Variants in KLRG2 observed in about 807,000 individuals in gnomAD.
The protein encoded by KLRG2 is killer cell lectin-like receptor subfamily G member 2.
Under a neutral mutation model 35.4 loss-of-function variants are expected in KLRG2, and 39 were observed. The ratio of observed to expected loss-of-function variants is 1.10; its 90% CI spans 0.85 to 1.44. KLRG2 has a LOEUF of 1.44. Among genes scored for constraint, KLRG2 ranks in the 40% most tolerant of loss-of-function variants. The probability of loss-of-function intolerance (pLI) is 0.00; values close to 1 mark genes in which losing one functional copy is unlikely to be tolerated. For synonymous variants in KLRG2, 283 were observed against 265.8 expected (o/e 1.06, Z -0.63); for missense variants, 632 against 570.9 (o/e 1.11, Z -1.09).
chr7:139,472,661 C>G (rs1043850075), intron 3 of KLRG2, among the ~76,000 whole-genome samples: 1 of 151,728 alleles, frequency 6.6e-6, no homozygotes, highest in Admixed American at 6.6e-5. Context: ...CTGTAACAGC[C>G]TCATAGAGCT....
At chr7:139,461,166 T>C (rs1440427785) in intron 3 of KLRG2, among the ~76,000 whole-genome samples, 1 of 150,842 alleles carries the variant, frequency 6.6e-6, no homozygotes, top group Non-Finnish European at 1.5e-5. Flanking sequence ...GGAGAATTGC[T>C]TGAACTTGGG....
At chr7:139,436,200 G>T in the KLRG2 span, among the ~76,000 whole-genome samples, 6 of 152,180 alleles carry the variant, frequency 3.9e-5, no homozygotes, top group Middle Eastern at 3.4e-3. Context: ...ATTGTGCCTG[G>T]CCGGGTCTGT....
In KLRG2 at chr7:139,482,897, A is replaced by T; in HGVS notation, c.746T>A (p.Val249Glu). The T allele has an allele frequency of 6.7e-7, 1 of 1,481,820 alleles. No individual in the cohort carries two copies. The highest frequency in any genetic ancestry group is 1.5e-5 in the African/African-American group (1 of 68,532). The allele number at this position is 1,481,820 out of a possible 1,614,324, so 91.8% of individuals were successfully genotyped here. Residue 249 changes from valine (V) to glutamate (E), a missense_variant, in exon 1 of 5, where the codon GTA becomes GAA. Physicochemically the swap from Val to Glu is moderately radical, Grantham distance 121 (BLOSUM62 -2). Coordinates refer to ENST00000340940, the MANE Select transcript of KLRG2 (RefSeq NM_198508.4). ...LDGDEKLPRA[V>E]TLTGLPMYVK... is the part of the protein sequence containing the mutation. ...AGGTGAGCACTCACCCGTAAGCGTT[A>T]CGGCCCGGGGCAGCTTCTCGTCGCC...
chr7:139,480,439 C>CTTTTTTTT (rs892455272), intron 1 of KLRG2, among the ~76,000 whole-genome samples, 192 bp from the exon 2 acceptor site: 1 of 85,226 alleles, frequency 1.2e-5, no homozygotes, highest in African/African-American at 5.3e-5. Context: ...GCCAGATATT[C>CTTTTTTTT]TTTTTTTTTT....
chr7:139,430,882 G>A, the KLRG2 span, among the ~76,000 whole-genome samples: 2 of 151,968 alleles, frequency 1.3e-5, no homozygotes, highest in African/African-American at 2.4e-5. Context: ...GGTGGCAGGT[G>A]CCTATAATCC....
chr7:139,430,269 G>T, the KLRG2 span, among the ~76,000 whole-genome samples: 1 of 152,134 alleles, frequency 6.6e-6, no homozygotes, highest in East Asian at 1.9e-4. Flanking sequence ...AGGCGTGGTG[G>T]TGCATGCCTG....
rs1796986074 is a variant in KLRG2 at position 139,482,908 on chromosome 7, C to A, written c.735G>T (p.Leu245=). ...CACCCGTAAGCGTTACGGCCCGGGG[C>A]AGCTTCTCGTCGCCGTCCAACCCCG... ...PRAGLDGDEK[L]PRAVTLTGLP... Residue 245 remains leucine, a synonymous_variant, in exon 1 of 5, where the codon CTG becomes CTT. Coordinates refer to ENST00000340940, the MANE Select transcript of KLRG2 (RefSeq NM_198508.4). 1.3e-6 allele frequency: 2 copies of A among 1,491,984 alleles called. No homozygotes were observed. Among genetic ancestry groups the A allele is most frequent in the Non-Finnish European group, 8.8e-7 (1 of 1,131,894 alleles). The allele number at this position is 1,491,984 out of a possible 1,614,324, so 92.4% of individuals were successfully genotyped here.
intron 3 of KLRG2, among the ~76,000 whole-genome samples, chr7:139,464,164 C>T (rs2116447103): frequency 6.6e-6 from 1 of 152,242 alleles, no homozygotes; most frequent in Non-Finnish European, 1.5e-5. Flanking sequence ...CCCCTTGTAT[C>T]TCCCCACCTT....
At chr7:139,444,471 C>G in the KLRG2 span, among the ~76,000 whole-genome samples, 1 of 152,218 alleles carries the variant, frequency 6.6e-6, no homozygotes, top group South Asian at 2.1e-4. Context: ...TGTGGGCCAC[C>G]GTGCCCAGCT....
downstream of KLRG2, among the ~76,000 whole-genome samples, chr7:139,451,404 G>A (rs1796373486): frequency 1.3e-5 from 2 of 152,140 alleles, no homozygotes; most frequent in African/African-American, 4.8e-5. Flanking sequence ...GGAGGCTGAG[G>A]CAGGAGAATC....
chr7:139,452,291 G>A (rs1235081741), downstream of KLRG2, among the ~76,000 whole-genome samples: 2 of 151,920 alleles, frequency 1.3e-5, no homozygotes, highest in Admixed American at 6.6e-5. Context: ...TTCCCTTTTT[G>A]TTATTACTTT....
At chr7:139,450,604 C>T (rs1796364365), downstream of KLRG2, among the ~76,000 whole-genome samples, 1 of 152,054 alleles carries the variant, frequency 6.6e-6, no homozygotes, top group South Asian at 2.1e-4. Flanking sequence ...ATTTCAGACA[C>T]AATCAGTTTT....
chr7:139,460,268 C>T (rs1226723679), intron 3 of KLRG2, among the ~76,000 whole-genome samples: 1 of 152,186 alleles, frequency 6.6e-6, no homozygotes, highest in Non-Finnish European at 1.5e-5. Context: ...GACCTGGCCC[C>T]GACGTTGTTG....
intron 3 of KLRG2, among the ~76,000 whole-genome samples, chr7:139,466,718 T>A (rs1289430448): frequency 6.7e-6 from 1 of 148,300 alleles, no homozygotes; most frequent in Non-Finnish European, 1.5e-5. Context: ...CGCCGAGGCC[T>A]CGACTTACTC....
chr7:139,480,386 A>C, intron 1 of KLRG2, 139 bp from the exon 2 acceptor site: 1 of 570,744 alleles, frequency 1.8e-6, no homozygotes. Context: ...TGCCAACATA[A>C]ACCACAACGT....
At chr7:139,477,584 G>A (rs764032707) in intron 3 of KLRG2, among the ~76,000 whole-genome samples, 4 of 152,100 alleles carry the variant, frequency 2.6e-5, no homozygotes, top group African/African-American at 4.8e-5. Context: ...GATTGGGGGC[G>A]GGGGAAATGG....
At chr7:139,482,813 G>T (rs1796983202) in intron 1 of KLRG2, 73 bp downstream of exon 1, 1 of 1,300,930 alleles carries the variant, frequency 7.7e-7, no homozygotes, top group East Asian at 3.1e-5. Flanking sequence ...GTCCAGGGCT[G>T]GGCGGGTGTG....
At chr7:139,461,563 G>A (rs1424438321) in intron 3 of KLRG2, among the ~76,000 whole-genome samples, 1 of 152,124 alleles carries the variant, frequency 6.6e-6, no homozygotes, top group Non-Finnish European at 1.5e-5. Context: ...CAAAAGAACT[G>A]AAAATGCCCT....
intron 3 of KLRG2, among the ~76,000 whole-genome samples, chr7:139,476,900 C>T (rs1444870467): frequency 6.6e-6 from 1 of 152,116 alleles, no homozygotes; most frequent in South Asian, 2.1e-4. Flanking sequence ...TCTGTGATTT[C>T]CTGATTGACG....
Sources: allele counts gnomAD v4.1 joint callset (sites outside exome capture counted in the v4.1 genomes callset), GRCh38; gene constraint gnomAD v4.1.1; transcripts MANE v1.5; gene names NCBI Gene and HGNC (gene_info 2026-07-23, HGNC 2026-07-21).